TP63: variants seen among roughly 807,000 people sequenced by gnomAD.
TP63 encodes tumor protein 63.
A neutral mutation model predicts 82.8 loss-of-function variants in TP63; 17 were observed. The ratio of observed to expected loss-of-function variants is 0.21; its 90% CI spans 0.14 to 0.31. The LOEUF is 0.31. TP63 is among the 10% of genes least tolerant of loss of function. The probability of loss-of-function intolerance (pLI) is 1.00; values close to 1 mark genes in which losing one functional copy is unlikely to be tolerated. For synonymous variants in TP63, 330 were observed against 321.7 expected, an observed-to-expected ratio of 1.03 and a Z score of -0.28; for missense variants, 648 against 895.3, an observed-to-expected ratio of 0.72 and a Z score of 3.52.
intron 1 of TP63, among the ~76,000 whole-genome samples, chr3:189,637,973 T>A (rs1357576919): frequency 6.6e-6 from 1 of 152,102 alleles, no homozygotes; most frequent in East Asian, 1.9e-4. Context: ...GTTTTGAAAG[T>A]GGAAGTGGGT....
At chr3:189,713,987 G>A (rs546022074) in intron 1 of TP63, among the ~76,000 whole-genome samples, 25 of 152,068 alleles carry the variant, frequency 1.6e-4, no homozygotes, top group Middle Eastern at 6.8e-3. Context: ...TCCAAAGTAC[G>A]GTTTTAATAG....
chr3:189,883,416 A>T (rs1317690562), intron 10 of TP63, among the ~76,000 whole-genome samples: 2 of 152,172 alleles, frequency 1.3e-5, no homozygotes, highest in African/African-American at 4.8e-5. Flanking sequence ...ACCCCATTCA[A>T]CTGTTCACCC....
At chr3:189,766,316 CTCT>C (rs1722956682) in intron 3 of TP63, among the ~76,000 whole-genome samples, 1 of 152,174 alleles carries the variant, frequency 6.6e-6, no homozygotes, top group Admixed American at 6.5e-5. Flanking sequence ...TTGATGGTGT[CTCT>C]TCTTTCTTTC....
In TP63 at chr3:189,800,287, G is replaced by A. The variant is rs924383906; in HGVS notation, c.325-7985G>A. ...TTTCAAATAGTGCCTCACAGGCCAC[G>A]TTAAAGACCTGAGGCCTTTATTCTA... On this transcript the variant is annotated intron_variant, in intron 3 of 13. Transcript: ENST00000264731. Among the ~76,000 whole-genome samples, 7 of 151,978 alleles carry A rather than the reference G, an allele frequency of 4.6e-5. No homozygotes were observed. In the East Asian group the frequency reaches 5.8e-4, roughly 13 times the overall value.
chr3:189,739,714 G>T (rs1268712843), intron 3 of TP63, among the ~76,000 whole-genome samples: 1 of 151,636 alleles, frequency 6.6e-6, no homozygotes, highest in African/African-American at 2.4e-5. Context: ...ATGGGTTAAT[G>T]ATATTAAAAC....
chr3:189,882,518 C>T (rs140007221), intron 10 of TP63, among the ~76,000 whole-genome samples: 2 of 151,606 alleles, frequency 1.3e-5, no homozygotes, highest in East Asian at 3.9e-4. Context: ...CTGCTCCGCC[C>T]TCAGTATCCC....
intron 3 of TP63, among the ~76,000 whole-genome samples, chr3:189,797,280 C>T (rs1725807726): frequency 6.6e-6 from 1 of 152,072 alleles, no homozygotes. Context: ...AATAGTTCTA[C>T]TTTCTTATTG....
intron 1 of TP63, among the ~76,000 whole-genome samples, chr3:189,720,736 G>GAAAAAA (rs548352369): frequency 8.3e-5 from 10 of 120,890 alleles, no homozygotes; most frequent in Non-Finnish European, 6.7e-5. Flanking sequence ...CTCCGTCTCA[G>GAAAAAA]AAAAAAAAAA....
At chr3:189,664,919 T>C (rs908917748) in intron 1 of TP63, among the ~76,000 whole-genome samples, 5 of 152,168 alleles carry the variant, frequency 3.3e-5, no homozygotes, top group Non-Finnish European at 7.4e-5. Context: ...AGCTTGTACC[T>C]GCTCATACCA....
intron 4 of TP63, among the ~76,000 whole-genome samples, chr3:189,836,286 G>T (rs1333514309): frequency 6.6e-6 from 1 of 152,098 alleles, no homozygotes; most frequent in Non-Finnish European, 1.5e-5. Context: ...CAAACAATAT[G>T]AAACTGAATG....
chr3:189,677,653 C>T (rs1715560114), intron 1 of TP63, among the ~76,000 whole-genome samples: 1 of 151,618 alleles, frequency 6.6e-6, no homozygotes, highest in Non-Finnish European at 1.5e-5. Flanking sequence ...TCTATGTTTT[C>T]TTCTTTGAGA....
chr3:189,785,618 G>T (rs1406915108), intron 3 of TP63, among the ~76,000 whole-genome samples: 1 of 152,060 alleles, frequency 6.6e-6, no homozygotes, highest in South Asian at 2.1e-4. Flanking sequence ...GGACCGGAAT[G>T]AACAGAAGGA....
At chr3:189,843,971 G>A (rs1714505979) in intron 4 of TP63, among the ~76,000 whole-genome samples, 2 of 152,130 alleles carry the variant, frequency 1.3e-5, no homozygotes, top group South Asian at 4.1e-4. Flanking sequence ...CCTCTTGAAA[G>A]ATATTAGTGT....
chr3:189,822,692 G>A (rs1728920391), intron 4 of TP63, among the ~76,000 whole-genome samples: 1 of 152,120 alleles, frequency 6.6e-6, no homozygotes, highest in South Asian at 2.1e-4. Flanking sequence ...CTGGGAAAGA[G>A]CATTGTTTAT....
At chr3:189,772,986 G>T (rs1326344014) in intron 3 of TP63, among the ~76,000 whole-genome samples, 1 of 152,144 alleles carries the variant, frequency 6.6e-6, no homozygotes, top group Non-Finnish European at 1.5e-5. Flanking sequence ...GGAGACAACG[G>T]GGTCTTTCCT....
chr3:189,688,847 G>T (rs1429537583), intron 1 of TP63, among the ~76,000 whole-genome samples: 1 of 152,082 alleles, frequency 6.6e-6, no homozygotes, highest in Non-Finnish European at 1.5e-5. Context: ...GCTGTTTCCT[G>T]TACCACCTTA....
intron 3 of TP63, among the ~76,000 whole-genome samples, chr3:189,803,248 A>G (rs549214598): frequency 8.0e-4 from 122 of 152,338 alleles, no homozygotes; most frequent in African/African-American, 2.9e-3. Context: ...TGGTGACCCA[A>G]GATCGTGCCA....
intron 1 of TP63, among the ~76,000 whole-genome samples, chr3:189,632,663 G>A (rs776834274): frequency 6.6e-6 from 1 of 152,098 alleles, no homozygotes; most frequent in Non-Finnish European, 1.5e-5. Flanking sequence ...GGGGAAGCAA[G>A]TTTGGGGTCT....
intron 1 of TP63, among the ~76,000 whole-genome samples, chr3:189,674,591 G>A (rs116408427): frequency 0.039 from 6,006 of 152,128 alleles, 149 homozygotes; most frequent in Middle Eastern, 0.054. Flanking sequence ...ACAGAAATCT[G>A]CAATATTTAT....
Sources: gnomAD v4.1 joint callset for allele counts (sites outside exome capture counted in the v4.1 genomes callset) on GRCh38, gnomAD v4.1.1 for gene constraint, MANE v1.5 for transcripts, NCBI Gene and HGNC (gene_info 2026-07-23, HGNC 2026-07-21) for gene names.